The following TMEM92 variants were observed in gnomAD, a reference collection of about 807,000 sequenced individuals.
TMEM92 encodes transmembrane protein 92.
TMEM92 carries 15 observed loss-of-function variants against 14.6 expected under a neutral mutation model. The observed-to-expected ratio is 1.03, with a 90% CI of 0.69 to 1.58. The LOEUF (loss-of-function observed/expected upper bound fraction) is 1.58, where lower values mean the gene tolerates loss of function less well. TMEM92 is among the 40% of genes most tolerant of loss of function. TMEM92 has a pLI of 0.00. For missense variants in TMEM92, 174 were observed against 202.4 expected (o/e 0.86, Z 0.85); for synonymous variants, 85 against 83.3 (o/e 1.02, Z -0.11).
chr17:50,273,374 G>A (rs567734685), upstream of TMEM92, among the ~76,000 whole-genome samples: 37 of 152,294 alleles, frequency 2.4e-4, no homozygotes, highest in South Asian at 7.4e-3. Flanking sequence ...TGGAGGCGGC[G>A]GCCGCAGGGG....
At position 50,278,981 on chromosome 17, in the gene TMEM92, AC is replaced by A; in HGVS notation, c.357del (p.Tyr120ThrfsTer4). 3.1e-6 allele frequency: 5 copies of A among 1,596,790 alleles called. No homozygotes were observed. Among genetic ancestry groups the A allele is most frequent in the Non-Finnish European group, 3.4e-6 (4 of 1,169,288 alleles). Reference sequence around the variant, plus strand: ...TCAGAGTATCCCTTTCTGCGCCCCCACCCCCCTACAGTGAGGTGGGTGTCTC... The same window carrying A: ...TCAGAGTATCCCTTTCTGCGCCCCCACCCCCTACAGTGAGGTGGGTGTCTC... ...RVRVSLSAPP[P>X]PYSEVILKPS... On this transcript the variant is annotated frameshift_variant, in exon 4 of 5. Coordinates refer to ENST00000507382, the MANE Select transcript of TMEM92 (RefSeq NM_153229.3). LOFTEE classifies it low-confidence loss of function (END_TRUNC).
chr17:50,279,009 T>C lies in TMEM92; in HGVS notation c.366+13T>C, dbSNP rs1910525880. The C allele has an allele frequency of 6.4e-7, 1 of 1,559,014 alleles. No homozygotes were observed. The highest frequency in any genetic ancestry group is 1.4e-5 in the African/African-American group (1 of 73,694). ...CCCCTACAGTGAGGTGGGTGTCTCATCCCCATCCCCACCTTGCCTCTGGCC... is the reference window on the plus strand; with the variant it reads ...CCCCTACAGTGAGGTGGGTGTCTCACCCCCATCCCCACCTTGCCTCTGGCC... On this transcript the variant is annotated intron_variant, in intron 4 of 4. Coordinates refer to ENST00000507382, the MANE Select transcript of TMEM92 (RefSeq NM_153229.3).
At chr17:50,276,685 C>G (rs1910443172) in intron 1 of TMEM92, among the ~76,000 whole-genome samples, 1 of 152,122 alleles carries the variant, frequency 6.6e-6, no homozygotes, top group African/African-American at 2.4e-5. Flanking sequence ...TGGGAGCAGC[C>G]AGGATGAAAT....
chr17:50,278,424 AC>A lies in TMEM92; in HGVS notation c.96-126del, dbSNP rs71353627. The A allele has an allele frequency of 3.9e-3, 3,767 of 969,470 alleles. 10 individuals carry two copies. The highest frequency in any genetic ancestry group is 4.9e-3 in the Non-Finnish European group (3,147 of 641,984). The allele number at this position is 969,470 out of a possible 1,614,324, so 60.1% of individuals were successfully genotyped here. A position where few individuals can be genotyped will look rare whatever the true frequency, so the allele number is the denominator to read the frequency against. ...CTACTGAGCTCAGAGCGGGGGCCATACCCCCCACCCCACTAAGGGGTGGCTT... is the reference window on the plus strand; with the variant it reads ...CTACTGAGCTCAGAGCGGGGGCCATACCCCCACCCCACTAAGGGGTGGCTT... On this transcript the variant is annotated intron_variant, in intron 2 of 4. Transcript: ENST00000507382.
upstream of TMEM92, among the ~76,000 whole-genome samples, chr17:50,272,739 A>G (rs1200494726): frequency 2.0e-5 from 3 of 152,298 alleles, no homozygotes; most frequent in African/African-American, 4.8e-5. Flanking sequence ...GCAGGGAGAC[A>G]GCATAAGAAA....
rs62060068 is a variant in TMEM92, at chr17:50,279,407, T to C, written c.*99T>C. Reference sequence around the variant, plus strand: ...GGCACCCCAGGAATGTCCCTGCCCATCCTGCCGTGTCTCTGTTCATTCTTG... The same window carrying C: ...GGCACCCCAGGAATGTCCCTGCCCACCCTGCCGTGTCTCTGTTCATTCTTG... On this transcript the variant is annotated 3_prime_UTR_variant, in exon 5 of 5. Transcript: ENST00000507382. 65,537 of 906,824 alleles carry C rather than the reference T, an allele frequency of 0.072. 2,888 individuals carry two copies. The highest frequency in any genetic ancestry group is 0.13 in the East Asian group (5,324 of 40,926). 56.2% of individuals were successfully genotyped at this position (906,824 alleles called of 1,614,324 possible).
chr17:50,272,874 G>A (rs1380666197), upstream of TMEM92, among the ~76,000 whole-genome samples: 3 of 152,150 alleles, frequency 2.0e-5, no homozygotes, highest in Middle Eastern at 6.8e-3. Flanking sequence ...AAACAGACGG[G>A]AGAACAGAGG....
In TMEM92 at chr17:50,278,613, C is replaced by G; in HGVS notation, c.153C>G (p.Leu51=). The change falls in exon 3 of 5, where the codon CTC becomes CTG. Residue 51 remains leucine (L), a synonymous_variant. Transcript: ENST00000507382. Reference sequence around the variant, plus strand: ...ACAGCTGCTGCCAGGAGAACGAGCTCTTCCCTGGCCCCGTGAGGTGAGCCC... The same window carrying G: ...ACAGCTGCTGCCAGGAGAACGAGCTGTTCCCTGGCCCCGTGAGGTGAGCCC... ...CGDSCCQENE[L]FPGPVRIFVI... The G allele has an allele frequency of 6.2e-7, 1 of 1,613,998 alleles. No individual in the cohort carries two copies. Among genetic ancestry groups the G allele is most frequent in the Non-Finnish European group, 8.5e-7 (1 of 1,179,986 alleles).
chr17:50,277,909 C>G (rs1014206849), intron 2 of TMEM92, among the ~76,000 whole-genome samples, 169 bp downstream of exon 2: 3 of 152,154 alleles, frequency 2.0e-5, no homozygotes, highest in Non-Finnish European at 4.4e-5. Context: ...AGACCCCACC[C>G]TCTACCTCCA....
chr17:50,272,446 G>A (rs552772873), upstream of TMEM92, among the ~76,000 whole-genome samples: 1 of 152,304 alleles, frequency 6.6e-6, no homozygotes, highest in Non-Finnish European at 1.5e-5. Context: ...TGTTGCAGTG[G>A]GGCCTGGGTG....
chr17:50,274,488 G>A lies in TMEM92; in HGVS notation c.-14G>A, dbSNP rs1302748012. On this transcript the variant is annotated 5_prime_UTR_variant, in exon 1 of 5. Transcript: ENST00000507382. The stretch of plus-strand genomic sequence containing the variant: ...CTTCTCTACACAGGAAAGCTCAGTG[G>A]CCCCCAAGCCAGGATGTCCCAAGCT... 1.2e-6 allele frequency: 2 copies of A among 1,613,722 alleles called. No homozygotes were observed. The highest frequency in any genetic ancestry group is 1.7e-6 in the Non-Finnish European group (2 of 1,179,792).
chr17:50,272,703 T>C (rs1423899454), upstream of TMEM92, among the ~76,000 whole-genome samples: 1 of 150,866 alleles, frequency 6.6e-6, no homozygotes, highest in East Asian at 2.0e-4. Flanking sequence ...TAATGGGAAA[T>C]AGAGACAGGG....
intron 1 of TMEM92, among the ~76,000 whole-genome samples, chr17:50,276,013 C>T (rs958160341): frequency 1.3e-5 from 2 of 152,050 alleles, no homozygotes; most frequent in Admixed American, 6.6e-5. Context: ...TGCCTGTAAT[C>T]CCAGCTACTT....
chr17:50,274,270 G>A (rs566524691), upstream of TMEM92, among the ~76,000 whole-genome samples: 1 of 152,124 alleles, frequency 6.6e-6, no homozygotes, highest in African/African-American at 2.4e-5. Context: ...GCCCGGGACC[G>A]CTTTTTTAAA....
At position 50,279,726 on chromosome 17, in the gene TMEM92, A is replaced by T; in HGVS notation, c.*418A>T. The stretch of plus-strand genomic sequence containing the variant: ...CTGGATGAGCCCTGAGCCAGCTTCC[A>T]CTCCTACCTGAATAGAGAACTCACT... On this transcript the variant is annotated 3_prime_UTR_variant, in exon 5 of 5. Transcript: ENST00000507382. The T allele has an allele frequency of 4.1e-6, 1 of 243,048 alleles. No individual in the cohort carries two copies. The highest frequency in any genetic ancestry group is 8.1e-6 in the Non-Finnish European group (1 of 123,514). The allele number at this position is 243,048 out of a possible 1,614,324, so 15.1% of individuals were successfully genotyped here.
At chr17:50,272,170 T>C (rs1037946776), upstream of TMEM92, among the ~76,000 whole-genome samples, 1 of 152,112 alleles carries the variant, frequency 6.6e-6, no homozygotes, top group African/African-American at 2.4e-5. Context: ...AGAGCAGCTA[T>C]GCCAGCCTCC....
Position 50,275,291 on chromosome 17 carries a change from G to A in TMEM92, c.69+721G>A, listed in dbSNP as rs542709411. 2.6e-5 allele frequency among the ~76,000 whole-genome samples: 4 copies of A among 152,144 alleles called. 1 individual carries two copies. In the East Asian group the frequency reaches 5.8e-4, roughly 22 times the overall value. ...TCTTATTTCCATTTAAGAACCGGAG[G>A]GAAGTCAGGGTCTTCCATAGTTAGG... On this transcript the variant is annotated intron_variant, in intron 1 of 4. Transcript: ENST00000507382.
intron 2 of TMEM92, among the ~76,000 whole-genome samples, chr17:50,278,129 C>T (rs1272112833): frequency 6.6e-6 from 1 of 152,186 alleles, no homozygotes. Flanking sequence ...TAGGTCAGCC[C>T]TGGGTGTTCT....
At chr17:50,273,290 G>A (rs759777736), upstream of TMEM92, among the ~76,000 whole-genome samples, 6 of 152,074 alleles carry the variant, frequency 3.9e-5, no homozygotes, top group African/African-American at 2.4e-5. Context: ...CGCCCCTCCC[G>A]GCTCCCGGGG....
Sources: allele counts gnomAD v4.1 joint callset (sites outside exome capture counted in the v4.1 genomes callset), GRCh38; gene constraint gnomAD v4.1.1; transcripts MANE v1.5; gene names NCBI Gene and HGNC (gene_info 2026-07-23, HGNC 2026-07-21).